The following RTN1 variants were observed in gnomAD, a reference collection of about 807,000 sequenced individuals.
The protein encoded by RTN1 is reticulon-1.
A neutral mutation model predicts 65.5 loss-of-function variants in RTN1; 25 were observed. The observed-to-expected ratio is 0.38, with a 90% CI of 0.28 to 0.53. RTN1 has a LOEUF of 0.53. Ranked by LOEUF, RTN1 falls within the 20% of genes least tolerant of loss-of-function variation. RTN1 has a pLI of 0.79. For missense variants in RTN1, 983 were observed against 1,025.4 expected (o/e 0.96, Z 0.57); for synonymous variants, 471 against 447.6 (o/e 1.05, Z -0.66).
chr14:59,763,477 A>G (rs1885787934), intron 1 of RTN1, among the ~76,000 whole-genome samples: 1 of 151,990 alleles, frequency 6.6e-6, no homozygotes, highest in South Asian at 2.1e-4. Context: ...CCAATAAATT[A>G]CATGCAATAA....
intron 3 of RTN1, among the ~76,000 whole-genome samples, chr14:59,623,788 T>A (rs1049171602): frequency 3.9e-5 from 6 of 152,162 alleles, no homozygotes; most frequent in Non-Finnish European, 7.4e-5. Flanking sequence ...ACGTTTAAAA[T>A]TTGGGCCAAG....
intron 1 of RTN1, among the ~76,000 whole-genome samples, chr14:59,865,599 G>A (rs1304002090): frequency 2.0e-5 from 3 of 152,000 alleles, no homozygotes; most frequent in Admixed American, 6.5e-5. Context: ...GGCCTCTCTG[G>A]CTCACACTCT....
At chr14:59,847,878 T>TTGCCC (rs1361925188) in intron 1 of RTN1, among the ~76,000 whole-genome samples, 4 of 152,186 alleles carry the variant, frequency 2.6e-5, no homozygotes, top group Non-Finnish European at 5.9e-5. Context: ...CTGGCACAGA[T>TTGCCC]TGCCCAGCCC....
chr14:59,842,268 T>TA (rs973386770), intron 1 of RTN1, among the ~76,000 whole-genome samples: 7 of 151,926 alleles, frequency 4.6e-5, no homozygotes, highest in Non-Finnish European at 7.4e-5. Flanking sequence ...ATGCATCTAA[T>TA]AAAAAAACTA....
At chr14:59,732,299 A>G (rs1025155393) in intron 2 of RTN1, among the ~76,000 whole-genome samples, 10 of 152,216 alleles carry the variant, frequency 6.6e-5, no homozygotes, top group Non-Finnish European at 1.2e-4. Flanking sequence ...ATCCTGAAGA[A>G]GTAGGTATAT....
intron 3 of RTN1, among the ~76,000 whole-genome samples, chr14:59,611,319 C>T (rs571019796): frequency 1.1e-4 from 16 of 152,328 alleles, no homozygotes; most frequent in South Asian, 2.1e-4. Flanking sequence ...CTTGGACTGG[C>T]GGCTGACTCT....
intron 1 of RTN1, among the ~76,000 whole-genome samples, chr14:59,760,972 C>T (rs1885736448): frequency 6.6e-6 from 1 of 152,178 alleles, no homozygotes; most frequent in Admixed American, 6.5e-5. Flanking sequence ...ACTATTTCCC[C>T]TCCTAGTTCT....
At chr14:59,744,429 C>T (rs1885175142) in intron 2 of RTN1, among the ~76,000 whole-genome samples, 1 of 152,168 alleles carries the variant, frequency 6.6e-6, no homozygotes, top group Admixed American at 6.5e-5. Context: ...TTTCCTGCTG[C>T]CTCTCTGGCC....
intron 1 of RTN1, among the ~76,000 whole-genome samples, chr14:59,812,936 A>G (rs1299563229): frequency 1.3e-5 from 2 of 152,226 alleles, no homozygotes; most frequent in African/African-American, 4.8e-5. Flanking sequence ...AAGTAAATAA[A>G]AGAATTGCTG....
intron 1 of RTN1, among the ~76,000 whole-genome samples, chr14:59,869,580 G>T (rs901006871): frequency 4.9e-5 from 2 of 41,166 alleles, no homozygotes; most frequent in Admixed American, 4.8e-4. Flanking sequence ...TTTCCGGGGT[G>T]GGGGGGGGGG....
intron 8 of RTN1, among the ~76,000 whole-genome samples, chr14:59,599,230 T>C (rs1253766127): frequency 1.3e-5 from 2 of 152,232 alleles, no homozygotes; most frequent in Non-Finnish European, 2.9e-5. Flanking sequence ...ATCTGTAAAG[T>C]TGACTTTTTA....
At chr14:59,599,263 C>G (rs1566655567) in intron 8 of RTN1, among the ~76,000 whole-genome samples, 1 of 152,178 alleles carries the variant, frequency 6.6e-6, no homozygotes, top group Non-Finnish European at 1.5e-5. Context: ...TAGGACTTCA[C>G]TTTCCTTATT....
chr14:59,654,777 A>T, intron 3 of RTN1, among the ~76,000 whole-genome samples: 1 of 152,172 alleles, frequency 6.6e-6, no homozygotes, highest in East Asian at 1.9e-4. Flanking sequence ...AACAAGAACA[A>T]CAGTATTAAA....
At chr14:59,783,718 T>C (rs1411270937) in intron 1 of RTN1, among the ~76,000 whole-genome samples, 2 of 152,144 alleles carry the variant, frequency 1.3e-5, no homozygotes, top group Admixed American at 6.5e-5. Flanking sequence ...CAGTGTTACC[T>C]GAATAGCACA....
In RTN1 at chr14:59,846,805, T is replaced by G. The variant is rs1887419333; in HGVS notation, c.241+23585A>C. Among the ~76,000 whole-genome samples the G allele has an allele frequency of 6.6e-6, 1 of 152,170 alleles. No individual in the cohort carries two copies. The highest frequency in any genetic ancestry group is 1.5e-5 in the Non-Finnish European group (1 of 68,032). ...CCGCATACCTGTTTGAGATGCACAG[T>G]CTGTCCAACTCTGACAGCCATATGC... On this transcript the variant is annotated intron_variant, in intron 1 of 8. Coordinates refer to ENST00000267484, the MANE Select transcript of RTN1 (RefSeq NM_021136.3). The surrounding 1 kb of genome is among the most constrained non-coding windows in gnomAD (Gnocchi z 4.8).
intron 1 of RTN1, among the ~76,000 whole-genome samples, chr14:59,747,713 T>C (rs909237508): frequency 2.0e-5 from 3 of 152,192 alleles, no homozygotes; most frequent in East Asian, 3.8e-4. Context: ...AGAGCATACA[T>C]TGAGGCGTCA....
intron 3 of RTN1, among the ~76,000 whole-genome samples, chr14:59,638,944 C>G (rs181104672): frequency 1.3e-5 from 2 of 152,322 alleles, no homozygotes; most frequent in African/African-American, 4.8e-5. Flanking sequence ...TTTGGCCTAT[C>G]TTAGCTTTCA....
intron 8 of RTN1, among the ~76,000 whole-genome samples, chr14:59,598,092 A>C (rs977010728): frequency 2.0e-5 from 3 of 152,124 alleles, no homozygotes; most frequent in Non-Finnish European, 2.9e-5. Context: ...AAAATTGGGA[A>C]ATGAGAGTAG....
chr14:59,808,193 C>T (rs1439940000), intron 1 of RTN1, among the ~76,000 whole-genome samples: 2 of 152,186 alleles, frequency 1.3e-5, no homozygotes, highest in Admixed American at 1.3e-4. Flanking sequence ...ATAACTGTTA[C>T]ATCTTCAGTG....
Sources: allele counts gnomAD v4.1 joint callset (sites outside exome capture counted in the v4.1 genomes callset), GRCh38; gene constraint gnomAD v4.1.1; non-coding constraint Gnocchi (gnomAD v3.1); transcripts MANE v1.5; gene names NCBI Gene and HGNC (gene_info 2026-07-23, HGNC 2026-07-21).